The following SLC22A15 variants were observed in gnomAD, a reference collection of about 807,000 sequenced individuals.
The protein encoded by SLC22A15 is flipt 1.
SLC22A15 carries 45 observed loss-of-function variants against 62.7 expected under a neutral mutation model. That is an observed-to-expected ratio of 0.72 (90% CI 0.56 to 0.92). The LOEUF (loss-of-function observed/expected upper bound fraction) is 0.92, where lower values mean the gene tolerates loss of function less well. SLC22A15 is among the 40% of genes least tolerant of loss of function. The pLI is 0.00. For synonymous variants in SLC22A15, 264 were observed against 267.0 expected, an observed-to-expected ratio of 0.99 and a Z score of 0.11; for missense variants, 622 against 665.6, an observed-to-expected ratio of 0.93 and a Z score of 0.72.
chr1:116,018,586 T>C (rs1656661670), intron 2 of SLC22A15, among the ~76,000 whole-genome samples: 1 of 149,680 alleles, frequency 6.7e-6, no homozygotes, highest in Non-Finnish European at 1.5e-5. Flanking sequence ...AGGATGGTCT[T>C]GATCTCCTAA....
At chr1:116,032,236 ATTCAGCGG>A in intron 6 of SLC22A15, 2 of 985,428 alleles carry the variant, frequency 2.0e-6, no homozygotes, top group Non-Finnish European at 2.4e-6. Flanking sequence ...TGTAAGTTGC[ATTCAGCGG>A]TTCAAGATGG....
chr1:116,060,850 G>A (rs566529269), intron 8 of SLC22A15, among the ~76,000 whole-genome samples: 3 of 152,278 alleles, frequency 2.0e-5, no homozygotes, highest in South Asian at 2.1e-4. Context: ...AGCTAACATC[G>A]TCTTCCAAAT....
intron 1 of SLC22A15, among the ~76,000 whole-genome samples, chr1:115,991,107 C>T (rs1222403629): frequency 6.6e-6 from 1 of 152,198 alleles, no homozygotes; most frequent in African/African-American, 2.4e-5. Context: ...GATTGTCTTA[C>T]TCTGGAGCAG....
At position 116,069,000 on chromosome 1, in the gene SLC22A15, C is replaced by T. The variant is rs140398943; in HGVS notation, c.*1892C>T. The stretch of plus-strand genomic sequence containing the variant: ...AACGTATCACCCATACGTCCAACAT[C>T]GAAAGAAAACCAGTGTTATGACTTT... On this transcript the variant is annotated 3_prime_UTR_variant, in exon 12 of 12. Coordinates refer to ENST00000369503, the MANE Select transcript of SLC22A15 (RefSeq NM_018420.3). The T allele has an allele frequency of 9.5e-4, 145 of 152,204 alleles. No homozygotes were observed. The highest frequency in any genetic ancestry group is 3.3e-3 in the African/African-American group (137 of 41,546). The allele number at this position is 152,204 out of a possible 1,614,324, so 9.4% of individuals were successfully genotyped here. A position where few individuals can be genotyped will look rare whatever the true frequency, so the allele number is the denominator to read the frequency against.
chr1:116,002,320 C>G (rs1055616309), intron 2 of SLC22A15, among the ~76,000 whole-genome samples: 4 of 152,166 alleles, frequency 2.6e-5, no homozygotes, highest in Non-Finnish European at 5.9e-5. Flanking sequence ...AGGTCCTGCC[C>G]AAGGCCTGTG....
chr1:115,982,185 G>A (rs1408386887), intron 1 of SLC22A15, among the ~76,000 whole-genome samples: 2 of 152,134 alleles, frequency 1.3e-5, no homozygotes, highest in African/African-American at 2.4e-5. Context: ...CACACAGCTC[G>A]GGACTCTCCT....
intron 2 of SLC22A15, among the ~76,000 whole-genome samples, chr1:116,016,130 CT>C (rs1656513071): frequency 1.3e-5 from 2 of 149,594 alleles, no homozygotes; most frequent in African/African-American, 2.5e-5. Flanking sequence ...CTTTTCTTCT[CT>C]CCTTCTCTCC....
intron 8 of SLC22A15, among the ~76,000 whole-genome samples, chr1:116,039,845 A>G (rs566699149): frequency 1.9e-3 from 295 of 152,054 alleles, no homozygotes; most frequent in African/African-American, 6.7e-3. Flanking sequence ...TATTTTGTTG[A>G]CTTTTTTTTA....
At chr1:115,987,939 A>G (rs533383863) in intron 1 of SLC22A15, among the ~76,000 whole-genome samples, 15 of 152,234 alleles carry the variant, frequency 9.9e-5, no homozygotes, top group Admixed American at 2.0e-4. Context: ...TTGTGATGAG[A>G]TAATTTATAG....
intron 8 of SLC22A15, among the ~76,000 whole-genome samples, chr1:116,038,986 A>G (rs1270096511): frequency 6.6e-6 from 1 of 152,108 alleles, no homozygotes; most frequent in Non-Finnish European, 1.5e-5. Context: ...TCTTGAAATG[A>G]TCTCTCCTTA....
At chr1:116,025,329 C>T (rs760671778) in intron 4 of SLC22A15, among the ~76,000 whole-genome samples, 10 of 152,140 alleles carry the variant, frequency 6.6e-5, no homozygotes, top group Non-Finnish European at 1.0e-4. Context: ...TGATCTACAG[C>T]AGTGAACCAG....
intron 7 of SLC22A15, among the ~76,000 whole-genome samples, chr1:116,036,586 G>A (rs972459662): frequency 3.9e-5 from 6 of 152,068 alleles, no homozygotes; most frequent in South Asian, 2.1e-4. Context: ...GCCTCCCTTC[G>A]TACTTATCCC....
chr1:116,062,151 G>A (rs1658399245), intron 8 of SLC22A15, among the ~76,000 whole-genome samples: 1 of 152,198 alleles, frequency 6.6e-6, no homozygotes, highest in South Asian at 2.1e-4. Flanking sequence ...GGAGGTTGCA[G>A]TGAGGTGAGA....
In SLC22A15 at chr1:116,066,631, T is replaced by TTCTCCGACCTTCAGGTG. The variant is rs771514281; in HGVS notation, c.1479_1495dup (p.Tyr499SerfsTer34). The TTCTCCGACCTTCAGGTG allele has an allele frequency of 1.9e-6, 3 of 1,612,034 alleles. No homozygotes were observed. The highest frequency in any genetic ancestry group is 2.5e-6 in the Non-Finnish European group (3 of 1,179,266). ...CCTTAACAGTCCGCTGCTAGAAACA[T>TTCTCCGACCTTCAGGTG]TCTCCGACCTTCAGGTGTATTCGTA... On this transcript the variant is annotated frameshift_variant, in exon 11 of 12. Coordinates refer to ENST00000369503, the MANE Select transcript of SLC22A15 (RefSeq NM_018420.3). LOFTEE classifies it high-confidence loss of function.
chr1:115,977,020 G>A (rs1447692061), intron 1 of SLC22A15, among the ~76,000 whole-genome samples: 2 of 152,186 alleles, frequency 1.3e-5, no homozygotes, highest in East Asian at 3.9e-4. Flanking sequence ...TGGTTAAGGA[G>A]GGATGCAAAA....
At chr1:116,033,509 C>T (rs1281492338) in intron 6 of SLC22A15, among the ~76,000 whole-genome samples, 1 of 151,602 alleles carries the variant, frequency 6.6e-6, no homozygotes, top group Non-Finnish European at 1.5e-5. Context: ...CTTGTCTATT[C>T]TTGCCCTGAC....
rs183554583 is a variant in SLC22A15 at position 116,049,723 on chromosome 1, C to G, written c.1171+12335C>G. Among the ~76,000 whole-genome samples, 21 of 152,064 alleles carry G rather than the reference C, an allele frequency of 1.4e-4. 1 individual carries two copies. The East Asian group carries it at 4.1e-3, about 29-fold the overall frequency. The stretch of plus-strand genomic sequence containing the variant: ...AACAAGAACAAACCAAACCCAAACC[C>G]AGCAGAAGAAAGGAAATAACCAAGA... On this transcript the variant is annotated intron_variant, in intron 8 of 11. Transcript: ENST00000369503.
chr1:115,987,226 C>T (rs1047622902), intron 1 of SLC22A15, among the ~76,000 whole-genome samples: 10 of 145,516 alleles, frequency 6.9e-5, no homozygotes, highest in African/African-American at 2.3e-4. Context: ...AGTGCAGTGG[C>T]GCAATCTCGG....
chr1:116,068,289 C>T lies in SLC22A15; in HGVS notation c.*1181C>T, dbSNP rs1255745475. 6.6e-6 allele frequency: 1 copy of T among 152,646 alleles called. No homozygotes were observed. The highest frequency in any genetic ancestry group is 1.9e-4 in the East Asian group (1 of 5,194). 9.5% of individuals were successfully genotyped at this position (152,646 alleles called of 1,614,324 possible). Reference sequence around the variant, plus strand: ...AATAGGAATATAAACCTGGAGTCAACAAGCTTAGGCAGCATTGATTTAGGT... The same window carrying T: ...AATAGGAATATAAACCTGGAGTCAATAAGCTTAGGCAGCATTGATTTAGGT... On this transcript the variant is annotated 3_prime_UTR_variant, in exon 12 of 12. Transcript: ENST00000369503.
Sources: gnomAD v4.1 joint callset for allele counts (sites outside exome capture counted in the v4.1 genomes callset) on GRCh38, gnomAD v4.1.1 for gene constraint, MANE v1.5 for transcripts, NCBI Gene and HGNC (gene_info 2026-07-23, HGNC 2026-07-21) for gene names.